ZCCHC7: variants seen among roughly 807,000 people sequenced by gnomAD.
The protein encoded by ZCCHC7 is zinc finger CCHC-type containing 7, also known as zinc finger CCHC domain-containing protein 7.
Under a neutral mutation model 52.0 loss-of-function variants are expected in ZCCHC7, and 35 were observed. That is an observed-to-expected ratio of 0.67 (90% CI 0.51 to 0.89). The LOEUF (loss-of-function observed/expected upper bound fraction) is 0.89. ZCCHC7 is among the 40% of genes least tolerant of loss of function. The probability of loss-of-function intolerance (pLI) is 0.00; values close to 1 mark genes in which losing one functional copy is unlikely to be tolerated. For synonymous variants in ZCCHC7, 217 were observed against 221.5 expected (o/e 0.98, Z 0.18); for missense variants, 574 against 649.1 (o/e 0.88, Z 1.26).
chr9:37,234,964 A>G (rs545268244), intron 2 of ZCCHC7, among the ~76,000 whole-genome samples: 3 of 152,322 alleles, frequency 2.0e-5, no homozygotes, highest in South Asian at 2.1e-4. Flanking sequence ...ATTATGTACA[A>G]TATATTCAAT....
chr9:37,222,708 G>T (rs1824889021), intron 2 of ZCCHC7, among the ~76,000 whole-genome samples: 1 of 151,852 alleles, frequency 6.6e-6, no homozygotes, highest in Non-Finnish European at 1.5e-5. Context: ...TTTTGAATGT[G>T]AACAATCATT....
chr9:37,281,776 C>T (rs1326720975), intron 2 of ZCCHC7, among the ~76,000 whole-genome samples: 1 of 152,180 alleles, frequency 6.6e-6, no homozygotes, highest in Non-Finnish European at 1.5e-5. Flanking sequence ...ATGGCTTCCC[C>T]ACCTGTAACC....
chr9:37,348,092 T>C (rs774867953), intron 6 of ZCCHC7, among the ~76,000 whole-genome samples: 2 of 152,224 alleles, frequency 1.3e-5, no homozygotes, highest in Non-Finnish European at 1.5e-5. Context: ...TTCACTCTTA[T>C]GCTGATTACT....
At chr9:37,336,189 A>C (rs1830642912) in intron 6 of ZCCHC7, among the ~76,000 whole-genome samples, 1 of 152,158 alleles carries the variant, frequency 6.6e-6, no homozygotes, top group African/African-American at 2.4e-5. Flanking sequence ...TTTCATAGCA[A>C]AATGTAGTGG....
intron 2 of ZCCHC7, among the ~76,000 whole-genome samples, chr9:37,219,024 A>G (rs1003162005): frequency 6.2e-4 from 92 of 148,336 alleles, no homozygotes; most frequent in Middle Eastern, 3.5e-3. Context: ...AGATTGCACC[A>G]CTGTGCTCCA....
At chr9:37,238,232 C>G (rs909938779) in intron 2 of ZCCHC7, among the ~76,000 whole-genome samples, 1 of 152,142 alleles carries the variant, frequency 6.6e-6, no homozygotes, top group African/African-American at 2.4e-5. Flanking sequence ...TAGTGACTTT[C>G]TTATAATACT....
chr9:37,328,391 G>A (rs1830332280), intron 6 of ZCCHC7, among the ~76,000 whole-genome samples: 1 of 151,866 alleles, frequency 6.6e-6, no homozygotes, highest in African/African-American at 2.4e-5. Context: ...CTTTTATTGT[G>A]ATTTTAGGCT....
At chr9:37,266,322 A>G (rs938814794) in intron 2 of ZCCHC7, among the ~76,000 whole-genome samples, 28 of 152,324 alleles carry the variant, frequency 1.8e-4, no homozygotes, top group African/African-American at 6.5e-4. Context: ...GAACTATTAC[A>G]GACAAAACTA....
intron 5 of ZCCHC7, among the ~76,000 whole-genome samples, chr9:37,307,566 C>T (rs573178667): frequency 6.6e-6 from 1 of 152,110 alleles, no homozygotes; most frequent in Non-Finnish European, 1.5e-5. Flanking sequence ...TGTACTTCCC[C>T]AAAGTCATGA....
chr9:37,347,356 T>A (rs1238351357), intron 6 of ZCCHC7, among the ~76,000 whole-genome samples: 1 of 152,210 alleles, frequency 6.6e-6, no homozygotes, highest in Non-Finnish European at 1.5e-5. Flanking sequence ...CTCCTACAAC[T>A]TCCATTCAAT....
chr9:37,127,493 G>A (rs954003905), intron 2 of ZCCHC7, among the ~76,000 whole-genome samples: 1 of 152,162 alleles, frequency 6.6e-6, no homozygotes, highest in Non-Finnish European at 1.5e-5. Context: ...GGTTATAGGG[G>A]AGAATGCAAA....
chr9:37,257,285 T>C (rs10973272), intron 2 of ZCCHC7, among the ~76,000 whole-genome samples: 20,690 of 152,188 alleles, frequency 0.14, 1,718 homozygotes, highest in Non-Finnish European at 0.17. Context: ...AGGATACCTT[T>C]TGTCTTTGCA....
At chr9:37,191,717 G>A (rs985138881) in intron 2 of ZCCHC7, among the ~76,000 whole-genome samples, 5 of 152,148 alleles carry the variant, frequency 3.3e-5, no homozygotes, top group Admixed American at 2.0e-4. Flanking sequence ...GTTAATGAAC[G>A]CAAACATGAA....
chr9:37,242,645 C>T (rs1825921593), intron 2 of ZCCHC7, among the ~76,000 whole-genome samples: 1 of 151,672 alleles, frequency 6.6e-6, no homozygotes, highest in South Asian at 2.1e-4. Context: ...TAAAGCCAAG[C>T]TGACAGGATG....
intron 2 of ZCCHC7, among the ~76,000 whole-genome samples, chr9:37,268,733 T>C (rs887984774): frequency 1.3e-5 from 2 of 152,160 alleles, no homozygotes; most frequent in Admixed American, 1.3e-4. Flanking sequence ...GCCGCAAAAT[T>C]TCTACTCTTT....
chr9:37,322,486 A>G (rs1830092901), intron 5 of ZCCHC7: 1 of 152,050 alleles, frequency 6.6e-6, no homozygotes, highest in South Asian at 2.1e-4. Flanking sequence ...AGTTGTCTTA[A>G]CTTTCAGAAT....
At chr9:37,238,847 T>C (rs1205330166) in intron 2 of ZCCHC7, among the ~76,000 whole-genome samples, 3 of 152,192 alleles carry the variant, frequency 2.0e-5, no homozygotes, top group Non-Finnish European at 4.4e-5. Flanking sequence ...AAAGTTGTAG[T>C]AGGGAAAACA....
intron 2 of ZCCHC7, among the ~76,000 whole-genome samples, chr9:37,176,295 G>A (rs191007464): frequency 1.3e-5 from 2 of 152,066 alleles, no homozygotes; most frequent in East Asian, 1.9e-4. Flanking sequence ...GGATGGTCTC[G>A]ATCTCCTGAC....
chr9:37,277,467 C>G (rs1351477528), intron 2 of ZCCHC7, among the ~76,000 whole-genome samples: 1 of 150,008 alleles, frequency 6.7e-6, no homozygotes, highest in East Asian at 1.9e-4. Context: ...CATAGTGAGA[C>G]CCCCCCATCT....
Sources: allele counts gnomAD v4.1 joint callset (sites outside exome capture counted in the v4.1 genomes callset), GRCh38; gene constraint gnomAD v4.1.1; transcripts MANE v1.5; gene names NCBI Gene and HGNC (gene_info 2026-07-23, HGNC 2026-07-21).